CDHR3: variants seen among roughly 807,000 people sequenced by gnomAD.
The protein encoded by CDHR3 is cadherin-related family member 3.
In CDHR3, 79 loss-of-function variants were observed where a neutral mutation model predicts 86.6. The ratio of observed to expected loss-of-function variants is 0.91; its 90% CI spans 0.76 to 1.10. CDHR3 has a LOEUF of 1.10. CDHR3 is among the 50% of genes least tolerant of loss of function. The pLI is 0.00. For synonymous variants in CDHR3, 421 were observed against 402.4 expected (o/e 1.05, Z -0.55); for missense variants, 1,081 against 1,077.6 (o/e 1.00, Z -0.04).
chr7:106,010,951 A>G (rs1372665754), intron 8 of CDHR3, among the ~76,000 whole-genome samples: 1 of 152,228 alleles, frequency 6.6e-6, no homozygotes, highest in Non-Finnish European at 1.5e-5. Flanking sequence ...CTGACATAGG[A>G]CAGGAATGAG....
At chr7:106,029,299 T>C (rs1837967159) in intron 17 of CDHR3, among the ~76,000 whole-genome samples, 1 of 152,038 alleles carries the variant, frequency 6.6e-6, no homozygotes, top group Non-Finnish European at 1.5e-5. Flanking sequence ...CTTTCTTTGC[T>C]CTTCCACTAC....
chr7:106,018,629 A>G (rs947754057), intron 12 of CDHR3, among the ~76,000 whole-genome samples: 1 of 152,176 alleles, frequency 6.6e-6, no homozygotes, highest in Non-Finnish European at 1.5e-5. Context: ...CCACAAAGCC[A>G]CTTTGTGGGA....
intron 13 of CDHR3, 23 bp downstream of exon 13, chr7:106,020,567 T>C (rs778305766): frequency 1.9e-6 from 3 of 1,599,230 alleles, no homozygotes; most frequent in South Asian, 2.2e-5. Flanking sequence ...GTGTCGACAA[T>C]CCTGGCCCTG....
rs1835952357 is a variant in CDHR3 at position 106,018,163 on chromosome 7, G to A, written c.1653+91G>A. On this transcript the variant is annotated intron_variant, in intron 12 of 18. Transcript: ENST00000317716. Reference sequence around the variant, plus strand: ...CCCAGAGTGTGGATGTGGCAATGAGGAAACTTCCCAGGGTACATCCTGCGG... The same window carrying A: ...CCCAGAGTGTGGATGTGGCAATGAGAAAACTTCCCAGGGTACATCCTGCGG... 11 of 961,468 alleles carry A rather than the reference G, an allele frequency of 1.1e-5. No individual in the cohort carries two copies. The South Asian group carries it at 1.7e-4, about 15-fold the overall frequency. 59.6% of individuals were successfully genotyped at this position (961,468 alleles called of 1,614,324 possible). A position where few individuals can be genotyped will look rare whatever the true frequency, so the allele number is the denominator to read the frequency against.
intron 4 of CDHR3, among the ~76,000 whole-genome samples, chr7:105,989,642 G>C (rs890803420): frequency 6.6e-6 from 1 of 152,114 alleles, no homozygotes; most frequent in African/African-American, 2.4e-5. Context: ...TGTGTATAAA[G>C]TGGTCATCAT....
chr7:105,981,477 G>T (rs971870658), intron 3 of CDHR3, among the ~76,000 whole-genome samples: 4 of 152,126 alleles, frequency 2.6e-5, no homozygotes, highest in African/African-American at 9.7e-5. Flanking sequence ...TGACTGGCTT[G>T]TTCATTCTCC....
At chr7:106,001,161 C>T (rs1227725543) in intron 6 of CDHR3, among the ~76,000 whole-genome samples, 3 of 152,164 alleles carry the variant, frequency 2.0e-5, no homozygotes, top group African/African-American at 2.4e-5. Flanking sequence ...TTTCAAAAGA[C>T]GTTAATGCCA....
At chr7:105,975,311 T>C (rs527988184) in intron 2 of CDHR3, among the ~76,000 whole-genome samples, 2 of 152,162 alleles carry the variant, frequency 1.3e-5, no homozygotes, top group Admixed American at 6.5e-5. Context: ...ATGGCCTCCA[T>C]CCCTCACATG....
At chr7:106,026,552 C>G in intron 15 of CDHR3, 130 bp from the exon 16 acceptor site, 2 of 889,250 alleles carry the variant, frequency 2.2e-6, no homozygotes, top group Non-Finnish European at 3.7e-6. Flanking sequence ...GGCCCCTATC[C>G]CTGGCACCTC....
At chr7:106,012,589 T>C (rs926532025) in intron 8 of CDHR3, among the ~76,000 whole-genome samples, 15 of 152,034 alleles carry the variant, frequency 9.9e-5, no homozygotes, top group African/African-American at 3.6e-4. Context: ...GGTGGGACTT[T>C]GAGTGAAATG....
chr7:106,022,647 C>T (rs183863126), intron 14 of CDHR3, among the ~76,000 whole-genome samples, 199 bp downstream of exon 14: 2 of 152,292 alleles, frequency 1.3e-5, no homozygotes, highest in East Asian at 1.9e-4. Context: ...CTCATAACCG[C>T]TAACTCAACC....
At chr7:106,023,583 C>T (rs1836902668) in intron 14 of CDHR3, among the ~76,000 whole-genome samples, 1 of 152,164 alleles carries the variant, frequency 6.6e-6, no homozygotes, top group African/African-American at 2.4e-5. Context: ...AGAAGCTGCA[C>T]CCCTGGTCAG....
chr7:105,965,432 C>A (rs1056407672), intron 1 of CDHR3, among the ~76,000 whole-genome samples: 6 of 152,116 alleles, frequency 3.9e-5, no homozygotes, highest in Admixed American at 2.6e-4. Context: ...TGAGATTGCG[C>A]CATTGCACTC....
At chr7:105,976,320 T>C (rs1828805086) in intron 2 of CDHR3, among the ~76,000 whole-genome samples, 1 of 152,176 alleles carries the variant, frequency 6.6e-6, no homozygotes, top group African/African-American at 2.4e-5. Context: ...TACCTCCTTT[T>C]CACAGATGGG....
intron 16 of CDHR3, among the ~76,000 whole-genome samples, chr7:106,028,239 T>C (rs924694584): frequency 2.0e-5 from 3 of 152,136 alleles, no homozygotes; most frequent in African/African-American, 7.2e-5. Context: ...TCCAATCCCA[T>C]CTTTCTTTCT....
At chr7:106,015,313 A>G (rs1585778703) in intron 10 of CDHR3, 100 bp downstream of exon 10, 2 of 1,010,402 alleles carry the variant, frequency 2.0e-6, no homozygotes, top group Non-Finnish European at 3.0e-6. Context: ...CCCCCTTCTC[A>G]CTAGTACTGC....
At chr7:105,982,718 C>T (rs2115686336) in intron 3 of CDHR3, among the ~76,000 whole-genome samples, 1 of 152,110 alleles carries the variant, frequency 6.6e-6, no homozygotes, top group East Asian at 1.9e-4. Context: ...TGCAGTGGCT[C>T]ATACCTGTAA....
intron 1 of CDHR3, among the ~76,000 whole-genome samples, chr7:105,969,701 A>G (rs1337701935): frequency 6.6e-6 from 1 of 152,238 alleles, no homozygotes; most frequent in African/African-American, 2.4e-5. Flanking sequence ...AAAAGACAAC[A>G]GTAAGAGCCT....
chr7:105,993,606 G>A (rs573950823), intron 4 of CDHR3, among the ~76,000 whole-genome samples: 43 of 150,410 alleles, frequency 2.9e-4, no homozygotes, highest in African/African-American at 9.8e-4. Flanking sequence ...AGCCCGGGAG[G>A]CGGAGGCTGC....
Sources: gnomAD v4.1 joint callset for allele counts (sites outside exome capture counted in the v4.1 genomes callset) on GRCh38, gnomAD v4.1.1 for gene constraint, MANE v1.5 for transcripts, NCBI Gene and HGNC (gene_info 2026-07-23, HGNC 2026-07-21) for gene names.